Variants in SPATS2L observed in about 807,000 individuals in gnomAD.
The protein encoded by SPATS2L is SPATS2-like protein.
Under a neutral mutation model 59.6 loss-of-function variants are expected in SPATS2L, and 30 were observed. The observed-to-expected ratio is 0.50, with a 90% CI of 0.38 to 0.68. SPATS2L has a LOEUF of 0.68. SPATS2L is among the 30% of genes least tolerant of loss of function. The probability of loss-of-function intolerance (pLI) is 0.00; values close to 1 mark genes in which losing one functional copy is unlikely to be tolerated. For synonymous variants in SPATS2L, 252 were observed against 263.5 expected, an observed-to-expected ratio of 0.96 and a Z score of 0.42; for missense variants, 615 against 700.0, an observed-to-expected ratio of 0.88 and a Z score of 1.37.
chr2:200,328,099 A>G (rs1378208299), intron 1 of SPATS2L, among the ~76,000 whole-genome samples: 1 of 152,122 alleles, frequency 6.6e-6, no homozygotes, highest in Non-Finnish European at 1.5e-5. Context: ...TCTGCTTAGC[A>G]TGACACCCTA....
At chr2:200,429,468 T>G (rs1178922028) in intron 6 of SPATS2L, among the ~76,000 whole-genome samples, 1 of 152,114 alleles carries the variant, frequency 6.6e-6, no homozygotes, top group African/African-American at 2.4e-5. Flanking sequence ...TGCAGCCTTG[T>G]GGTGGTGAAG....
At chr2:200,470,111 G>T (rs2086910825) in intron 11 of SPATS2L, 95 bp downstream of exon 11, 8 of 948,356 alleles carry the variant, frequency 8.4e-6, no homozygotes, top group African/African-American at 1.7e-5. Context: ...GTCCCCCCAG[G>T]GGGCTAACGT....
At chr2:200,345,121 C>A (rs1191362181) in intron 2 of SPATS2L, among the ~76,000 whole-genome samples, 1 of 152,112 alleles carries the variant, frequency 6.6e-6, no homozygotes, top group Non-Finnish European at 1.5e-5. Flanking sequence ...TTGCTTTTGG[C>A]AACTTCATCA....
intron 12 of SPATS2L, among the ~76,000 whole-genome samples, chr2:200,476,948 G>A (rs1347396533): frequency 2.0e-5 from 3 of 152,204 alleles, no homozygotes; most frequent in African/African-American, 2.4e-5. Context: ...GAGTGGGAAC[G>A]TATTCTTCCC....
intron 3 of SPATS2L, 27 bp downstream of exon 3, chr2:200,389,310 C>T (rs1257469922): frequency 2.0e-6 from 3 of 1,514,608 alleles, no homozygotes; most frequent in African/African-American, 1.4e-5. Flanking sequence ...CGTTGGCTCA[C>T]AGAAACTCCA....
chr2:200,332,434 A>AG (rs995793944), intron 2 of SPATS2L, among the ~76,000 whole-genome samples: 2 of 152,060 alleles, frequency 1.3e-5, no homozygotes, highest in African/African-American at 4.8e-5. Context: ...TTATAGAGAT[A>AG]GGGGGTCTCA....
At chr2:200,350,704 T>C (rs1369661188) in intron 2 of SPATS2L, among the ~76,000 whole-genome samples, 1 of 152,010 alleles carries the variant, frequency 6.6e-6, no homozygotes, top group Non-Finnish European at 1.5e-5. Context: ...TTTTTGTTTG[T>C]TTGTTTTTTT....
At chr2:200,322,468 C>A (rs1280337971) in intron 1 of SPATS2L, among the ~76,000 whole-genome samples, 1 of 152,168 alleles carries the variant, frequency 6.6e-6, no homozygotes, top group Non-Finnish European at 1.5e-5. Flanking sequence ...GCTGATACAT[C>A]AGGAAAGAGC....
intron 2 of SPATS2L, among the ~76,000 whole-genome samples, chr2:200,387,689 C>T (rs751522838): frequency 6.6e-5 from 10 of 152,148 alleles, no homozygotes; most frequent in Non-Finnish European, 1.2e-4. Flanking sequence ...GGTGGGTACA[C>T]TCTTTATAAG....
At chr2:200,452,718 A>C (rs2085545156) in intron 8 of SPATS2L, among the ~76,000 whole-genome samples, 1 of 151,970 alleles carries the variant, frequency 6.6e-6, no homozygotes, top group Admixed American at 6.6e-5. Context: ...TGCTTGAGGC[A>C]CCCCCACTCT....
intron 4 of SPATS2L, 129 bp from the exon 5 acceptor site, chr2:200,416,250 T>C: frequency 2.4e-6 from 1 of 423,384 alleles, no homozygotes; most frequent in Non-Finnish European, 4.1e-6. Flanking sequence ...TAAGATAGGA[T>C]GTATCAAAAC....
intron 3 of SPATS2L, chr2:200,393,061 A>G: frequency 2.7e-6 from 1 of 363,788 alleles, no homozygotes; most frequent in Non-Finnish European, 5.5e-6. Context: ...GTCTGAACTC[A>G]CAGTCATATA....
At position 200,454,072 on chromosome 2, in the gene SPATS2L, G is replaced by A. The variant is rs563592470; in HGVS notation, c.789-5697G>A. ...AGCTGAAGTACTTTCCCCACAAGAA[G>A]GTTCTGCAGCAAAATTGTCTGGGAT... On this transcript the variant is annotated intron_variant, in intron 8 of 12. Transcript: ENST00000409140. 1.8e-4 allele frequency among the ~76,000 whole-genome samples: 28 copies of A among 152,304 alleles called. 1 individual carries two copies. In the South Asian group the frequency reaches 5.6e-3, roughly 30 times the overall value.
At chr2:200,356,407 C>A (rs1268844214) in intron 2 of SPATS2L, among the ~76,000 whole-genome samples, 4 of 151,958 alleles carry the variant, frequency 2.6e-5, no homozygotes, top group Non-Finnish European at 5.9e-5. Context: ...AGAAAATTCT[C>A]ACATTTTACA....
At chr2:200,446,766 C>G (rs1559140031) in intron 8 of SPATS2L, among the ~76,000 whole-genome samples, 1 of 152,156 alleles carries the variant, frequency 6.6e-6, no homozygotes, top group African/African-American at 2.4e-5. Flanking sequence ...TAAGCCACCA[C>G]TGGAGATATG....
chr2:200,378,501 C>T (rs2081678311), intron 2 of SPATS2L: 3 of 571,560 alleles, frequency 5.2e-6, no homozygotes, highest in Non-Finnish European at 6.8e-6. Flanking sequence ...GTATTTCTTT[C>T]CCACCAAGTG....
chr2:200,437,514 C>T (rs2084382855), intron 6 of SPATS2L, among the ~76,000 whole-genome samples: 1 of 152,148 alleles, frequency 6.6e-6, no homozygotes. Context: ...TCATTTCACA[C>T]TGAAGTTTGA....
At chr2:200,332,246 A>G (rs2079969209) in intron 2 of SPATS2L, among the ~76,000 whole-genome samples, 1 of 151,628 alleles carries the variant, frequency 6.6e-6, no homozygotes, top group Non-Finnish European at 1.5e-5. Flanking sequence ...GAAATCTTCA[A>G]GCTTTTTTTT....
At chr2:200,416,326 G>T in intron 4 of SPATS2L, 53 bp from the exon 5 acceptor site, 7 of 854,448 alleles carry the variant, frequency 8.2e-6, no homozygotes, top group South Asian at 2.9e-5. Flanking sequence ...GATGAATTTT[G>T]TGTGGTGTTT....
Sources: gnomAD v4.1 joint callset for allele counts (sites outside exome capture counted in the v4.1 genomes callset) on GRCh38, gnomAD v4.1.1 for gene constraint, MANE v1.5 for transcripts, NCBI Gene and HGNC (gene_info 2026-07-23, HGNC 2026-07-21) for gene names.